The following ADAMTS5 variants were observed in gnomAD, a reference collection of about 807,000 sequenced individuals.
ADAMTS5 encodes the protein ADAM metallopeptidase with thrombospondin type 1 motif 5, also known as A disintegrin and metalloproteinase with thrombospondin motifs 5.
Under a neutral mutation model 81.4 loss-of-function variants are expected in ADAMTS5, and 54 were observed. The observed-to-expected ratio is 0.66, with a 90% CI of 0.53 to 0.83. The LOEUF (loss-of-function observed/expected upper bound fraction) is 0.83. Among genes scored for constraint, ADAMTS5 ranks in the 40% least tolerant of loss-of-function variants. The probability of loss-of-function intolerance (pLI) is 0.00; values close to 1 mark genes in which losing one functional copy is unlikely to be tolerated. For missense variants in ADAMTS5, 1,194 were observed against 1,229.9 expected, an observed-to-expected ratio of 0.97 and a Z score of 0.44; for synonymous variants, 532 against 508.8, an observed-to-expected ratio of 1.05 and a Z score of -0.61.
Position 26,965,460 on chromosome 21 carries a change from A to C in ADAMTS5, c.932T>G (p.Ile311Ser). The change falls in exon 1 of 8, where the codon ATC (isoleucine) becomes AGC (serine). Residue 311 changes from isoleucine to serine, a missense_variant. By Grantham distance (142) the Ile-to-Ser change is moderately radical. This residue lies in a region of ADAMTS5 where 696 missense variants were observed against 817.6 expected (regional missense o/e 0.85). Transcript: ENST00000284987. ...LYSHASIENH[I>S]RLAVVKVVVL... is the part of the protein sequence containing the mutation. ...CACCACCTTCACCACGGCCAGGCGG[A>C]TGTGGTTCTCGATGCTAGCATGGCT... 6.2e-7 allele frequency: 1 copy of C among 1,614,148 alleles called. No homozygotes were observed. Among genetic ancestry groups the C allele is most frequent in the Non-Finnish European group, 8.5e-7 (1 of 1,180,006 alleles).
chr21:26,932,519 C>G (rs229044), intron 5 of ADAMTS5, among the ~76,000 whole-genome samples: 48,093 of 151,880 alleles, frequency 0.32, 8,152 homozygotes, highest in South Asian at 0.46. Context: ...TAGTGAAACC[C>G]CGTCTCTACT....
At chr21:26,937,829 A>G (rs533533219) in intron 3 of ADAMTS5, among the ~76,000 whole-genome samples, 375 of 152,286 alleles carry the variant, frequency 2.5e-3, no homozygotes, top group Admixed American at 4.8e-3. Flanking sequence ...TCTACTTCAC[A>G]TATTTTCTAA....
rs1987317555 is a variant in ADAMTS5, at chr21:26,951,612, G to A, written c.1237+3127C>T. 5.2e-5 allele frequency among the ~76,000 whole-genome samples: 7 copies of A among 134,388 alleles called. No homozygotes were observed. The South Asian group carries it at 1.5e-3, about 28-fold the overall frequency. 88.2% of individuals were successfully genotyped at this position (134,388 alleles called of 152,430 possible). A position where few individuals can be genotyped will look rare whatever the true frequency, so the allele number is the denominator to read the frequency against. Reference sequence around the variant, plus strand: ...GAGAATCTCTTGAACCTGGGAGGCAGAGGTTGCAGTGAGCTGAGCCTGCGC... The same window carrying A: ...GAGAATCTCTTGAACCTGGGAGGCAAAGGTTGCAGTGAGCTGAGCCTGCGC... On this transcript the variant is annotated intron_variant, in intron 2 of 7. Coordinates refer to ENST00000284987, the MANE Select transcript of ADAMTS5 (RefSeq NM_007038.5).
chr21:26,957,949 A>G (rs1419519765), intron 1 of ADAMTS5, among the ~76,000 whole-genome samples: 3 of 152,192 alleles, frequency 2.0e-5, no homozygotes, highest in Non-Finnish European at 2.9e-5. Flanking sequence ...ATAATACCCA[A>G]GATCTACTGG....
intron 1 of ADAMTS5, among the ~76,000 whole-genome samples, chr21:26,960,664 C>T (rs1383096097): frequency 6.6e-6 from 1 of 152,176 alleles, no homozygotes; most frequent in African/African-American, 2.4e-5. Context: ...TTCTGGACTC[C>T]AGAACTGTGA....
chr21:26,928,197 A>G (rs1986838668), intron 7 of ADAMTS5, among the ~76,000 whole-genome samples: 2 of 152,218 alleles, frequency 1.3e-5, no homozygotes, highest in African/African-American at 4.8e-5. Context: ...CAATTCAAAG[A>G]TCACATGTCT....
In ADAMTS5 at chr21:26,929,930, G is replaced by A; in HGVS notation, c.2181C>T (p.Asp727=). The stretch of plus-strand genomic sequence containing the variant: ...CAACAATCTTTGTACAGCTGGAGTT[G>A]TCTCCTCCACATACTCCGCACTTGT... ...QYDKCGVCGG[D]NSSCTKIVGT... is the part of the protein sequence containing the mutation. The change falls in exon 7 of 8, where the codon GAC becomes GAT. Residue 727 remains aspartate (D), a synonymous_variant. Coordinates refer to ENST00000284987, the MANE Select transcript of ADAMTS5 (RefSeq NM_007038.5). 6.2e-7 allele frequency: 1 copy of A among 1,613,966 alleles called. No homozygotes were observed. The highest frequency in any genetic ancestry group is 8.5e-7 in the Non-Finnish European group (1 of 1,179,924).
chr21:26,930,307 A>C (rs1349751635), intron 6 of ADAMTS5, among the ~76,000 whole-genome samples: 1 of 152,224 alleles, frequency 6.6e-6, no homozygotes, highest in Non-Finnish European at 1.5e-5. Context: ...CTTACCTCTG[A>C]ATGTGTTAAG....
At chr21:26,953,216 T>C (rs1000892881) in intron 2 of ADAMTS5, among the ~76,000 whole-genome samples, 2 of 152,192 alleles carry the variant, frequency 1.3e-5, no homozygotes, top group Admixed American at 6.5e-5. Context: ...TCTAAATCAC[T>C]TGTCTGAGAT....
chr21:26,938,314 A>G (rs1375084693), intron 3 of ADAMTS5, among the ~76,000 whole-genome samples: 2 of 152,182 alleles, frequency 1.3e-5, no homozygotes, highest in African/African-American at 4.8e-5. Flanking sequence ...TTTACCATTC[A>G]TGTTAAACTA....
In ADAMTS5 at chr21:26,921,039, G is replaced by A. The variant is rs889360227; in HGVS notation, c.*3014C>T. The A allele has an allele frequency of 6.6e-6, 1 of 152,408 alleles. No individual in the cohort carries two copies. The highest frequency in any genetic ancestry group is 1.5e-5 in the Non-Finnish European group (1 of 67,960). The allele number at this position is 152,408 out of a possible 1,614,324, so 9.4% of individuals were successfully genotyped here. A position where few individuals can be genotyped will look rare whatever the true frequency, so the allele number is the denominator to read the frequency against. On this transcript the variant is annotated 3_prime_UTR_variant, in exon 8 of 8. Transcript: ENST00000284987. ...ACATGAAGCATAAATTAAAAAGTAG[G>A]ACAACAGCAAAACATTTTAAATATA...
intron 3 of ADAMTS5, among the ~76,000 whole-genome samples, chr21:26,941,812 C>T (rs181183240): frequency 5.9e-5 from 9 of 152,076 alleles, no homozygotes; most frequent in Admixed American, 5.2e-4. Flanking sequence ...TAAGATTCCA[C>T]CCAAGAAGGA....
At chr21:26,949,971 A>G (rs1316115766) in intron 2 of ADAMTS5, among the ~76,000 whole-genome samples, 1 of 152,220 alleles carries the variant, frequency 6.6e-6, no homozygotes, top group Non-Finnish European at 1.5e-5. Context: ...CATCTACAGA[A>G]GCAGAGTCAC....
At chr21:26,947,785 T>A (rs1475799385) in intron 2 of ADAMTS5, among the ~76,000 whole-genome samples, 1 of 152,204 alleles carries the variant, frequency 6.6e-6, no homozygotes, top group Non-Finnish European at 1.5e-5. Flanking sequence ...AGGTGTAAAT[T>A]GTGTTAGATG....
rs117814818 is a variant in ADAMTS5 at position 26,957,202 on chromosome 21, G to A, written c.1105-2331C>T. Among the ~76,000 whole-genome samples the A allele has an allele frequency of 5.8e-3, 890 of 152,242 alleles. 18 individuals carry two copies. The highest frequency in any genetic ancestry group is 0.027 in the East Asian group (142 of 5,186). ...CAAATTGTTAAGAATACAGCATCTC[G>A]CATTCATGTCTACTTTCTGTTGATG... is the stretch of plus-strand genomic sequence containing the variant. On this transcript the variant is annotated intron_variant, in intron 1 of 7. Transcript: ENST00000284987.
chr21:26,933,348 A>T (rs1255865978), intron 4 of ADAMTS5, among the ~76,000 whole-genome samples: 1 of 152,202 alleles, frequency 6.6e-6, no homozygotes, highest in Admixed American at 6.5e-5. Flanking sequence ...ATGTCTTCTA[A>T]TATGGTCCAT....
Position 26,920,251 on chromosome 21 carries a change from G to A in ADAMTS5, c.*3802C>T, listed in dbSNP as rs1986665427. 1 of 152,110 alleles carries A rather than the reference G, an allele frequency of 6.6e-6. No homozygotes were observed. The highest frequency in any genetic ancestry group is 6.6e-5 in the Admixed American group (1 of 15,260). The allele number at this position is 152,110 out of a possible 1,614,324, so 9.4% of individuals were successfully genotyped here. ...GAAATATCACAACCAGAGATTGGCT[G>A]TGTGTCCAAGGGTGCTTTGTCTTGT... On this transcript the variant is annotated 3_prime_UTR_variant, in exon 8 of 8. Coordinates refer to ENST00000284987, the MANE Select transcript of ADAMTS5 (RefSeq NM_007038.5).
rs1987198988 is a variant in ADAMTS5 at position 26,945,525 on chromosome 21, G to A, written c.1238-1978C>T. Among the ~76,000 whole-genome samples the A allele has an allele frequency of 3.3e-5, 5 of 151,976 alleles. No homozygotes were observed. In the South Asian group the frequency reaches 1.0e-3, roughly 32 times the overall value. ...ATGCCTTTTTATTATTGTATCAAGAGATTTTCACTTCATTTGGAGGGTAGA... is the reference window on the plus strand; with the variant it reads ...ATGCCTTTTTATTATTGTATCAAGAAATTTTCACTTCATTTGGAGGGTAGA... On this transcript the variant is annotated intron_variant, in intron 2 of 7. Coordinates refer to ENST00000284987, the MANE Select transcript of ADAMTS5 (RefSeq NM_007038.5).
At chr21:26,948,590 T>C (rs1987259983) in intron 2 of ADAMTS5, among the ~76,000 whole-genome samples, 2 of 152,182 alleles carry the variant, frequency 1.3e-5, no homozygotes, top group Non-Finnish European at 2.9e-5. Context: ...GCTCCAGTCA[T>C]TGGATCATGC....
Sources: gnomAD v4.1 joint callset for allele counts (sites outside exome capture counted in the v4.1 genomes callset) on GRCh38, gnomAD v4.1.1 for gene constraint, gnomAD v4.1.1 regional missense constraint, MANE v1.5 for transcripts, NCBI Gene and HGNC (gene_info 2026-07-23, HGNC 2026-07-21) for gene names.